Variants in KATNAL2 observed in about 807,000 individuals in gnomAD.
The protein encoded by KATNAL2 is katanin p60 ATPase-containing subunit A-like 2.
KATNAL2 carries 52 observed loss-of-function variants against 76.3 expected under a neutral mutation model. That is an observed-to-expected ratio of 0.68 (90% confidence interval 0.55 to 0.86). KATNAL2 has a LOEUF of 0.86. KATNAL2 is among the 40% of genes least tolerant of loss of function. The pLI, the probability that KATNAL2 is intolerant of heterozygous loss-of-function variation, is 0.00. For synonymous variants in KATNAL2, 243 were observed against 244.2 expected, an observed-to-expected ratio of 1.00 and a Z score of 0.05; for missense variants, 660 against 668.9, an observed-to-expected ratio of 0.99 and a Z score of 0.15.
chr18:47,078,608 A>C (rs954949202), intron 15 of KATNAL2, among the ~76,000 whole-genome samples: 2 of 152,204 alleles, frequency 1.3e-5, no homozygotes, highest in Admixed American at 1.3e-4. Context: ...CTGGGGGTGA[A>C]TATTAGAGTC....
chr18:47,062,817 C>T (rs1426240520), intron 8 of KATNAL2, among the ~76,000 whole-genome samples, 155 bp from the exon 9 acceptor site: 3 of 152,184 alleles, frequency 2.0e-5, no homozygotes, highest in Non-Finnish European at 4.4e-5. Flanking sequence ...GAAATCATCA[C>T]GTTTAATACT....
In KATNAL2 at chr18:47,043,226, C is replaced by CAAAAAAAAAAAAAAAAAAAAAAAAAAAAA. The variant is rs1195140135; in HGVS notation, c.52-3212_52-3211insAAAAAAAAAAAAAAAAAAAAAAAAAAAAA. 4.3e-4 allele frequency among the ~76,000 whole-genome samples: 18 copies of CAAAAAAAAAAAAAAAAAAAAAAAAAAAAA among 41,684 alleles called. 3 individuals are homozygous for CAAAAAAAAAAAAAAAAAAAAAAAAAAAAA. Among genetic ancestry groups the CAAAAAAAAAAAAAAAAAAAAAAAAAAAAA allele is most frequent in the East Asian group, 1.9e-3 (2 of 1,034 alleles). The allele number at this position is 41,684 out of a possible 152,430, so 27.3% of individuals were successfully genotyped here. A position where few individuals can be genotyped will look rare whatever the true frequency, so the allele number is the denominator to read the frequency against. ...CCGGCGACAGAGCGAGACTCCGTTT[C>CAAAAAAAAAAAAAAAAAAAAAAAAAAAAA]AAAAAAAAAAAAAAAAAAAGAGATC... On this transcript the variant is annotated intron_variant, in intron 3 of 17. Coordinates refer to ENST00000683218, the MANE Select transcript of KATNAL2 (RefSeq NM_001387690.1).
chr18:47,087,196 A>G (rs1333275570), intron 15 of KATNAL2, among the ~76,000 whole-genome samples: 1 of 152,046 alleles, frequency 6.6e-6, no homozygotes, highest in Non-Finnish European at 1.5e-5. Context: ...TCTTTTGGTT[A>G]TTTTAAAGTA....
chr18:46,938,407 CT>C (rs1462608075), intron 1 of KATNAL2, among the ~76,000 whole-genome samples: 2 of 152,022 alleles, frequency 1.3e-5, no homozygotes, highest in African/African-American at 4.8e-5. Flanking sequence ...ACACAGTTTT[CT>C]TTCTTTAAAA....
At chr18:47,035,399 C>CTCCTCTGCTCTTGA in intron 3 of KATNAL2, 1 of 1,502,382 alleles carries the variant, frequency 6.7e-7, no homozygotes, top group South Asian at 1.3e-5. Context: ...GGAGTCACAG[C>CTCCTCTGCTCTTGA]CTGGAGCGAG....
intron 3 of KATNAL2, among the ~76,000 whole-genome samples, chr18:46,961,922 A>G (rs2059979751): frequency 6.6e-6 from 1 of 152,220 alleles, no homozygotes; most frequent in South Asian, 2.1e-4. Flanking sequence ...GCTACTAAGA[A>G]TATAAGTTTT....
intron 3 of KATNAL2, among the ~76,000 whole-genome samples, chr18:46,950,755 G>T (rs2059527930): frequency 6.6e-6 from 1 of 151,946 alleles, no homozygotes; most frequent in Non-Finnish European, 1.5e-5. Context: ...TGTGATCTCG[G>T]CTCACCACAA....
At chr18:47,039,124 C>T (rs2060876218) in intron 3 of KATNAL2, among the ~76,000 whole-genome samples, 1 of 152,168 alleles carries the variant, frequency 6.6e-6, no homozygotes, top group Admixed American at 6.5e-5. Flanking sequence ...TTTATATTTT[C>T]AGTTAGACTA....
intron 15 of KATNAL2, among the ~76,000 whole-genome samples, chr18:47,092,426 G>A (rs1264227929): frequency 2.0e-5 from 3 of 152,160 alleles, no homozygotes; most frequent in African/African-American, 7.2e-5. Context: ...TTGAACCTGG[G>A]AGGTAGAGGT....
intron 1 of KATNAL2, among the ~76,000 whole-genome samples, chr18:46,928,721 T>C (rs552092900): frequency 1.6e-4 from 24 of 152,254 alleles, no homozygotes; most frequent in African/African-American, 5.8e-4. Context: ...ATACGGAACA[T>C]TTTCATCAAC....
At chr18:46,963,788 CAGCAGAGGCCCGCCCTGAGCGGCGTG>C in intron 3 of KATNAL2, 1 of 806,116 alleles carries the variant, frequency 1.2e-6, no homozygotes, top group South Asian at 1.8e-5. Context: ...AGCCTTGACC[CAGCAGAGGCCCGCCCTGAGCGGCGTG>C]AGCGTGGCCT....
chr18:47,037,387 G>C (rs949826359), intron 3 of KATNAL2, among the ~76,000 whole-genome samples: 1 of 152,180 alleles, frequency 6.6e-6, no homozygotes, highest in South Asian at 2.1e-4. Context: ...ATTGAAACAT[G>C]CAAATGAGAC....
In KATNAL2 at chr18:47,069,235, A is replaced by G; in HGVS notation, c.841A>G (p.Thr281Ala). 1 of 1,611,206 alleles carries G rather than the reference A, an allele frequency of 6.2e-7. No individual in the cohort carries two copies. Among genetic ancestry groups the G allele is most frequent in the South Asian group, 1.1e-5 (1 of 90,668 alleles). ...VYPIRYPQLF[T>A]GILSPWKGLL... Reference sequence around the variant, plus strand: ...GTTTCCTTAGTATCCACAGCTATTTACAGGAATTCTTTCTCCCTGGAAAGG... The same window carrying G: ...GTTTCCTTAGTATCCACAGCTATTTGCAGGAATTCTTTCTCCCTGGAAAGG... Residue 281 changes from threonine (T) to alanine (A), a missense_variant, in exon 12 of 18, where the codon ACA (threonine) becomes GCA (alanine). Coordinates refer to ENST00000683218, the MANE Select transcript of KATNAL2 (RefSeq NM_001387690.1).
chr18:46,960,863 A>C (rs2146794292), intron 3 of KATNAL2, among the ~76,000 whole-genome samples: 1 of 152,218 alleles, frequency 6.6e-6, no homozygotes, highest in African/African-American at 2.4e-5. Flanking sequence ...CGCGGACAAA[A>C]CCCCTCAGAC....
intron 13 of KATNAL2, among the ~76,000 whole-genome samples, chr18:47,072,954 C>T (rs532367667): frequency 2.1e-4 from 32 of 152,198 alleles, no homozygotes; most frequent in African/African-American, 7.7e-4. Context: ...TGTTTCTAGT[C>T]TCTTGCTATT....
rs1272808067 is a variant in KATNAL2, at chr18:46,957,287, G to GCT, written c.51+10365_51+10366dup. Among the ~76,000 whole-genome samples the GCT allele has an allele frequency of 4.8e-5, 6 of 125,116 alleles. No individual in the cohort carries two copies. The East Asian group carries it at 1.4e-3, about 29-fold the overall frequency. The allele number at this position is 125,116 out of a possible 152,430, so 82.1% of individuals were successfully genotyped here. Reference sequence around the variant, plus strand: ...TTTTTTTTTTTTGAGACGGAGTCTCGCTGTCGCCCAGGCTGGAGTGCAGTG... The same window carrying GCT: ...TTTTTTTTTTTTGAGACGGAGTCTCGCTCTGTCGCCCAGGCTGGAGTGCAGTG... On this transcript the variant is annotated intron_variant, in intron 3 of 17. Transcript: ENST00000683218.
rs961941096 is a variant in KATNAL2, at chr18:46,946,450, G to C, written c.-116G>C. On this transcript the variant is annotated 5_prime_UTR_variant, in exon 2 of 18. Transcript: ENST00000683218. ...ATTTCCAAACCTTTACCCTAATCCA[G>C]GGAGGAGAAGACGGGACGTCAAAAT... is the stretch of plus-strand genomic sequence containing the variant. The C allele has an allele frequency of 4.1e-6, 4 of 985,364 alleles. No individual in the cohort carries two copies. The highest frequency in any genetic ancestry group is 6.1e-5 in the Admixed American group (1 of 16,272). The allele number at this position is 985,364 out of a possible 1,614,324, so 61.0% of individuals were successfully genotyped here.
intron 10 of KATNAL2, among the ~76,000 whole-genome samples, chr18:47,066,652 C>T (rs751400441): frequency 3.3e-5 from 5 of 151,622 alleles, no homozygotes; most frequent in Non-Finnish European, 7.4e-5. Flanking sequence ...TATTCTGTAG[C>T]TTCTTTAATT....
intron 13 of KATNAL2, among the ~76,000 whole-genome samples, chr18:47,069,923 T>C (rs1402617602): frequency 6.6e-6 from 1 of 152,136 alleles, no homozygotes. Flanking sequence ...GTATTTATTA[T>C]TTAACATGTA....
Sources: allele counts gnomAD v4.1 joint callset (sites outside exome capture counted in the v4.1 genomes callset), GRCh38; gene constraint gnomAD v4.1.1; transcripts MANE v1.5; gene names NCBI Gene and HGNC (gene_info 2026-07-23, HGNC 2026-07-21).